Variants in IMPG2 observed in about 807,000 individuals in gnomAD.
IMPG2 encodes the protein IPM 200.
A neutral mutation model predicts 129.2 loss-of-function variants in IMPG2; 91 were observed. The observed-to-expected ratio is 0.70, with a 90% CI of 0.59 to 0.84. IMPG2 has a LOEUF of 0.84. IMPG2 is among the 40% of genes least tolerant of loss of function. The probability of loss-of-function intolerance (pLI) is 0.00; values close to 1 mark genes in which losing one functional copy is unlikely to be tolerated. For synonymous variants in IMPG2, 510 were observed against 517.7 expected, an observed-to-expected ratio of 0.99 and a Z score of 0.20; for missense variants, 1,430 against 1,461.7, an observed-to-expected ratio of 0.98 and a Z score of 0.35.
chr3:101,295,267 G>T (rs550105081), intron 3 of IMPG2, among the ~76,000 whole-genome samples: 52 of 152,332 alleles, frequency 3.4e-4, no homozygotes, highest in African/African-American at 1.2e-3. Context: ...TAAGGTGTAA[G>T]GAAGGGGTCC....
At chr3:101,291,312 A>C (rs1022773760) in intron 4 of IMPG2, among the ~76,000 whole-genome samples, 167 bp downstream of exon 4, 2 of 152,222 alleles carry the variant, frequency 1.3e-5, no homozygotes, top group Admixed American at 6.5e-5. Flanking sequence ...TCTGAAAAGA[A>C]AGGTGGCTTG....
intron 5 of IMPG2, 132 bp from the exon 6 acceptor site, chr3:101,275,877 G>A: frequency 1.4e-6 from 1 of 715,132 alleles, no homozygotes; most frequent in East Asian, 2.7e-5. Context: ...GAAATTCGGT[G>A]CATTCTAACC....
In IMPG2 at chr3:101,247,206, A is replaced by T. The variant is rs1210159434; in HGVS notation, c.1240-1101T>A. ...TCTGGATTCTGAATAACAAAGATAG[A>T]TAACTACAATCCACAGGGAAAAAAC... On this transcript the variant is annotated intron_variant, in intron 11 of 18. Coordinates refer to ENST00000193391, the MANE Select transcript of IMPG2 (RefSeq NM_016247.4). Among the ~76,000 whole-genome samples the T allele has an allele frequency of 3.9e-5, 6 of 152,354 alleles. No individual in the cohort carries two copies. The East Asian group carries it at 9.6e-4, about 24-fold the overall frequency.
At chr3:101,289,681 A>G (rs2107125038) in intron 4 of IMPG2, among the ~76,000 whole-genome samples, 1 of 152,144 alleles carries the variant, frequency 6.6e-6, no homozygotes, top group South Asian at 2.1e-4. Flanking sequence ...CTTAAAAGCA[A>G]TGAGGAACTA....
intron 17 of IMPG2, among the ~76,000 whole-genome samples, 164 bp downstream of exon 17, chr3:101,229,216 A>C (rs1350087247): frequency 6.6e-6 from 1 of 152,010 alleles, no homozygotes; most frequent in African/African-American, 2.4e-5. Context: ...ATCATAGACT[A>C]GGAGATACGA....
At chr3:101,320,089 G>A (rs1457782636) in intron 1 of IMPG2, among the ~76,000 whole-genome samples, 199 bp downstream of exon 1, 1 of 151,900 alleles carries the variant, frequency 6.6e-6, no homozygotes, top group African/African-American at 2.4e-5. Flanking sequence ...TAAAAGTAAG[G>A]TTTAAACCAG....
At chr3:101,229,349 G>A (rs373948784) in intron 17 of IMPG2, 31 bp downstream of exon 17, 46 of 1,497,104 alleles carry the variant, frequency 3.1e-5, no homozygotes, top group Non-Finnish European at 4.0e-5. Flanking sequence ...AGCAGTAGCT[G>A]CGACAGCAAC....
chr3:101,314,387 T>C (rs2058772648), intron 2 of IMPG2, among the ~76,000 whole-genome samples: 1 of 152,124 alleles, frequency 6.6e-6, no homozygotes, highest in Non-Finnish European at 1.5e-5. Flanking sequence ...CTAAATCTGG[T>C]AACCATATAT....
At chr3:101,276,545 TAAA>T (rs1434240521) in intron 5 of IMPG2, 116 bp downstream of exon 5, 2 of 721,780 alleles carry the variant, frequency 2.8e-6, no homozygotes, top group Non-Finnish European at 4.7e-6. Flanking sequence ...AAAAACGTAT[TAAA>T]AAAGAGAAAT....
At position 101,247,468 on chromosome 3, in the gene IMPG2, A is replaced by T. The variant is rs139391289; in HGVS notation, c.1240-1363T>A. Among the ~76,000 whole-genome samples the T allele has an allele frequency of 5.9e-3, 903 of 152,278 alleles. 6 individuals are homozygous for T. Among genetic ancestry groups the T allele is most frequent in the African/African-American group, 0.021 (868 of 41,558 alleles). On this transcript the variant is annotated intron_variant, in intron 11 of 18. Transcript: ENST00000193391. ...CAAAATTAGCTGGGTGTGGTGGCAC[A>T]TGCCTGTAATCCCAACTACTTGGGA...
At chr3:101,267,395 C>G (rs1706731431) in intron 9 of IMPG2, 116 bp downstream of exon 9, 2 of 882,044 alleles carry the variant, frequency 2.3e-6, no homozygotes, top group Middle Eastern at 2.2e-4. Context: ...AAAAGTCAGA[C>G]AGTGATATTG....
intron 3 of IMPG2, among the ~76,000 whole-genome samples, chr3:101,297,042 A>ACAGGCGC (rs952370156): frequency 3.3e-5 from 5 of 152,154 alleles, no homozygotes; most frequent in Admixed American, 2.6e-4. Context: ...AGCTGGGACT[A>ACAGGCGC]CAGGCGCCAG....
At chr3:101,311,175 T>C (rs188091442) in intron 2 of IMPG2, among the ~76,000 whole-genome samples, 99 of 70,428 alleles carry the variant, frequency 1.4e-3, no homozygotes, top group African/African-American at 3.7e-3. Flanking sequence ...CTACTACAAC[T>C]AGGTAAAAAA....
chr3:101,285,379 A>G (rs1706933602), intron 4 of IMPG2, among the ~76,000 whole-genome samples: 1 of 152,222 alleles, frequency 6.6e-6, no homozygotes, highest in East Asian at 1.9e-4. Context: ...ACAGACACAG[A>G]AAGACATAGA....
chr3:101,266,605 C>T (rs575808431), intron 9 of IMPG2, among the ~76,000 whole-genome samples: 7 of 152,104 alleles, frequency 4.6e-5, no homozygotes, highest in Non-Finnish European at 1.0e-4. Context: ...GTTCCAGGGG[C>T]TAATCTTGAG....
chr3:101,298,342 C>G (rs1707103279), intron 3 of IMPG2, among the ~76,000 whole-genome samples: 1 of 151,848 alleles, frequency 6.6e-6, no homozygotes, highest in Non-Finnish European at 1.5e-5. Flanking sequence ...AGTCTTGACT[C>G]TTTATCCAAT....
At position 101,223,953 on chromosome 3, in the gene IMPG2, A is replaced by G. The variant is rs1013870327; in HGVS notation, c.*3016T>C. On this transcript the variant is annotated 3_prime_UTR_variant, in exon 19 of 19. Coordinates refer to ENST00000193391, the MANE Select transcript of IMPG2 (RefSeq NM_016247.4). ...CAGGAGTTTGAGACCAGGCTGGCCA[A>G]CATGGTGACGGTGAAACCCCATCTC... The G allele has an allele frequency of 6.6e-6, 1 of 152,258 alleles. No individual in the cohort carries two copies. The highest frequency in any genetic ancestry group is 1.5e-5 in the Non-Finnish European group (1 of 68,082). The allele number at this position is 152,258 out of a possible 1,614,324, so 9.4% of individuals were successfully genotyped here.
chr3:101,244,224 GGA>G lies in IMPG2; in HGVS notation c.2105_2106del (p.Leu702ProfsTer11). 1 of 1,613,956 alleles carries G rather than the reference GGA, an allele frequency of 6.2e-7. No individual in the cohort carries two copies. The highest frequency in any genetic ancestry group is 8.5e-7 in the Non-Finnish European group (1 of 1,179,982). On this transcript the variant is annotated frameshift_variant, in exon 13 of 19. Transcript: ENST00000193391. LOFTEE classifies it high-confidence loss of function. ...DTAAESASLT[L>X]PKHISEVPGV... Reference sequence around the variant, plus strand: ...CCAGGTACTTCTGATATGTGCTTGGGGAGGGTTAGAGACGCAGATTCAGCTGC... The same window carrying G: ...CCAGGTACTTCTGATATGTGCTTGGGGGGTTAGAGACGCAGATTCAGCTGC...
At chr3:101,253,962 A>G (rs1706572154) in intron 10 of IMPG2, among the ~76,000 whole-genome samples, 181 bp from the exon 11 acceptor site, 1 of 152,146 alleles carries the variant, frequency 6.6e-6, no homozygotes, top group Non-Finnish European at 1.5e-5. Flanking sequence ...TATTAGCACA[A>G]TCTGCCTGAA....
Sources: gnomAD v4.1 joint callset for allele counts (sites outside exome capture counted in the v4.1 genomes callset) on GRCh38, gnomAD v4.1.1 for gene constraint, MANE v1.5 for transcripts, NCBI Gene and HGNC (gene_info 2026-07-23, HGNC 2026-07-21) for gene names.